The following SDCBP2 variants were observed in gnomAD, a reference collection of about 807,000 sequenced individuals.
SDCBP2 encodes syntenin-2.
Under a neutral mutation model 30.7 loss-of-function variants are expected in SDCBP2, and 28 were observed. The ratio of observed to expected loss-of-function variants is 0.91; its 90% confidence interval spans 0.68 to 1.25. The LOEUF is 1.25. Ranked by LOEUF, SDCBP2 falls within the 50% of genes most tolerant of loss-of-function variation. The probability of loss-of-function intolerance (pLI) is 0.00; values close to 1 mark genes in which losing one functional copy is unlikely to be tolerated. For missense variants in SDCBP2, 399 were observed against 379.0 expected (o/e 1.05, Z -0.44); for synonymous variants, 166 against 157.3 (o/e 1.06, Z -0.41).
At chr20:1,311,131 G>C in intron 7 of SDCBP2, 1 of 464,382 alleles carries the variant, frequency 2.2e-6, no homozygotes, top group Non-Finnish European at 3.8e-6. Flanking sequence ...GGTCAAATGA[G>C]CATGCCTCTT....
chr20:1,311,265 C>G (rs1422281706), intron 7 of SDCBP2, among the ~76,000 whole-genome samples: 3 of 152,176 alleles, frequency 2.0e-5, no homozygotes, highest in Admixed American at 1.3e-4. Context: ...CATTTGGGTT[C>G]TGGCCTCAAA....
At chr20:1,316,775 G>A (rs1051287554) in intron 4 of SDCBP2, among the ~76,000 whole-genome samples, 4 of 152,186 alleles carry the variant, frequency 2.6e-5, no homozygotes, top group Admixed American at 6.5e-5. Flanking sequence ...AAATGAAAAC[G>A]TATGTCTATA....
chr20:1,312,919 G>T, intron 5 of SDCBP2, 157 bp from the exon 6 acceptor site: 1 of 765,746 alleles, frequency 1.3e-6, no homozygotes, highest in Non-Finnish European at 2.0e-6. Flanking sequence ...CATTTACCGG[G>T]GAGGAAACAC....
chr20:1,323,444 C>T (rs552193966), intron 1 of SDCBP2: 1 of 152,198 alleles, frequency 6.6e-6, no homozygotes, highest in African/African-American at 2.4e-5. Context: ...TGTCAGCTGT[C>T]CCCTGGGAGA....
Position 1,312,691 on chromosome 20 carries a change from G to A in SDCBP2, c.456C>T (p.Leu152=), listed in dbSNP as rs776982455. The change falls in exon 6 of 9, where the codon CTC becomes CTT. Residue 152 remains leucine (L), a synonymous_variant. Transcript: ENST00000360779. ...CACAGTCACGCCCGTCAATCTGCAG[G>A]AGCTGGTCCCCAAAGCGCAGCCCCA... ...SLVGLRFGDQ[L]LQIDGRDCAG... The A allele has an allele frequency of 8.7e-6, 14 of 1,614,036 alleles. No homozygotes were observed. Among genetic ancestry groups the A allele is most frequent in the Non-Finnish European group, 8.5e-7 (1 of 1,180,032 alleles).
intron 1 of SDCBP2, among the ~76,000 whole-genome samples, chr20:1,326,933 C>T (rs1437158422): frequency 6.6e-6 from 1 of 152,226 alleles, no homozygotes; most frequent in Non-Finnish European, 1.5e-5. Context: ...CTTCCCATGC[C>T]TGTCTGTGTT....
chr20:1,312,493 A>G lies in SDCBP2; in HGVS notation c.576T>C (p.Thr192=), dbSNP rs368080574. The change falls in exon 7 of 9, where the codon ACT becomes ACC. Residue 192 remains threonine (T), a synonymous_variant. Transcript: ENST00000360779. The part of the protein sequence containing the change: ...VVVRDRPFQR[T]VTMHKDSMGH... The stretch of plus-strand genomic sequence containing the variant: ...CCATGCTGTCCTTGTGCATGGTGAC[A>G]GTCCGCTGGAACGGCCTGGCAGGAG... 2.9e-5 allele frequency: 47 copies of G among 1,614,068 alleles called. No individual in the cohort carries two copies. The highest frequency in any genetic ancestry group is 1.6e-4 in the Middle Eastern group (1 of 6,084).
rs2088833643 is a variant in SDCBP2 at position 1,320,232 on chromosome 20, G to C, written c.54+131C>G. 4.0e-6 allele frequency: 3 copies of C among 753,866 alleles called. No homozygotes were observed. The highest frequency in any genetic ancestry group is 1.7e-5 in the South Asian group (1 of 57,218). The allele number at this position is 753,866 out of a possible 1,614,324, so 46.7% of individuals were successfully genotyped here. A position where few individuals can be genotyped will look rare whatever the true frequency, so the allele number is the denominator to read the frequency against. On this transcript the variant is annotated intron_variant, in intron 2 of 8. Transcript: ENST00000360779. This position sits in a 1 kb window ranked among gnomAD's most constrained non-coding sequence, Gnocchi z 4.7. The stretch of plus-strand genomic sequence containing the variant: ...CCTGGATGTCTTCTCTGCCCAGCAG[G>C]CCCTGCAGTGGACACCTACATGCCC...
rs1285248329 is a variant in SDCBP2, at chr20:1,313,752, C to G, written c.226-254G>C. The G allele has an allele frequency of 1.1e-6, 1 of 930,776 alleles. No individual in the cohort carries two copies. The highest frequency in any genetic ancestry group is 1.4e-6 in the Non-Finnish European group (1 of 703,546). 57.7% of individuals were successfully genotyped at this position (930,776 alleles called of 1,614,324 possible). A position where few individuals can be genotyped will look rare whatever the true frequency, so the allele number is the denominator to read the frequency against. On this transcript the variant is annotated intron_variant, in intron 4 of 8. Coordinates refer to ENST00000360779, the MANE Select transcript of SDCBP2 (RefSeq NM_080489.5). This position sits in a 1 kb window ranked among gnomAD's most constrained non-coding sequence, Gnocchi z 5.2. ...AGGGGCGAGGATACAGGAAGAGGCCCTTCATTTCCCAAGGGAAACTGGCAT... is the reference window on the plus strand; with the variant it reads ...AGGGGCGAGGATACAGGAAGAGGCCGTTCATTTCCCAAGGGAAACTGGCAT...
In SDCBP2 at chr20:1,320,219, C is replaced by G; in HGVS notation, c.54+144G>C. ...ATTGGCATTGCCCCCTGGATGTCTT[C>G]TCTGCCCAGCAGGCCCTGCAGTGGA... On this transcript the variant is annotated intron_variant, in intron 2 of 8. Transcript: ENST00000360779. The surrounding 1 kb of genome is among the most constrained non-coding windows in gnomAD (Gnocchi z 4.7). 1.4e-6 allele frequency: 1 copy of G among 709,962 alleles called. No individual in the cohort carries two copies. Among genetic ancestry groups the G allele is most frequent in the Non-Finnish European group, 2.4e-6 (1 of 412,660 alleles). 44.0% of individuals were successfully genotyped at this position (709,962 alleles called of 1,614,324 possible).
chr20:1,328,159 G>T (rs544792139), intron 1 of SDCBP2, among the ~76,000 whole-genome samples: 1 of 152,316 alleles, frequency 6.6e-6, no homozygotes, highest in East Asian at 1.9e-4. Flanking sequence ...GAAGCCAGTT[G>T]TGCAGAGAGG....
rs2088642429 is a variant in SDCBP2 at position 1,310,402 on chromosome 20, G to A, written c.*39C>T. 6.2e-7 allele frequency: 1 copy of A among 1,605,662 alleles called. No homozygotes were observed. The highest frequency in any genetic ancestry group is 8.5e-7 in the Non-Finnish European group (1 of 1,174,250). On this transcript the variant is annotated 3_prime_UTR_variant, in exon 9 of 9. Transcript: ENST00000360779. Reference sequence around the variant, plus strand: ...GGTGGTTGCCCTTTGCTGCAGGAGGGCGGGAAGCCCCCCCTGCCTGCCCTG... The same window carrying A: ...GGTGGTTGCCCTTTGCTGCAGGAGGACGGGAAGCCCCCCCTGCCTGCCCTG...
At chr20:1,317,405 G>A (rs553996287) in intron 4 of SDCBP2, among the ~76,000 whole-genome samples, 1 of 152,320 alleles carries the variant, frequency 6.6e-6, no homozygotes, top group South Asian at 2.1e-4. Context: ...TTATAAAAAT[G>A]TATTCATCAT....
intron 2 of SDCBP2, among the ~76,000 whole-genome samples, chr20:1,319,934 A>T (rs185131885): frequency 4.6e-4 from 70 of 152,302 alleles, no homozygotes; most frequent in East Asian, 4.4e-3. Context: ...CCATCTCCCA[A>T]TCAAGTTCTC....
At chr20:1,325,517 A>G (rs2088910893) in intron 1 of SDCBP2, 2 of 152,204 alleles carry the variant, frequency 1.3e-5, no homozygotes, top group South Asian at 4.1e-4. Flanking sequence ...CGGCATCCAC[A>G]AAAATAGATC....
chr20:1,321,290 G>C lies in SDCBP2; in HGVS notation c.-19-855C>G, dbSNP rs1488700970. 6.6e-6 allele frequency: 1 copy of C among 152,256 alleles called. No individual in the cohort carries two copies. Among genetic ancestry groups the C allele is most frequent in the Non-Finnish European group, 1.5e-5 (1 of 68,116 alleles). 9.4% of individuals were successfully genotyped at this position (152,256 alleles called of 1,614,324 possible). On this transcript the variant is annotated intron_variant, in intron 1 of 8. Transcript: ENST00000360779. This position sits in a 1 kb window ranked among gnomAD's most constrained non-coding sequence, Gnocchi z 5.2. ...GGTGGCACAGGAAACTGAGGGTCCT[G>C]TGCCTGAGCGATGTGACTCCAGGCT...
chr20:1,310,747 G>A (rs2088651415), intron 8 of SDCBP2, 53 bp downstream of exon 8: 1 of 1,492,510 alleles, frequency 6.7e-7, no homozygotes, highest in Admixed American at 1.7e-5. Flanking sequence ...GCCGGGAGGT[G>A]AAGGGGATGG....
chr20:1,310,648 G>A (rs1568557254), intron 8 of SDCBP2, 152 bp downstream of exon 8: 1 of 976,518 alleles, frequency 1.0e-6, no homozygotes, highest in South Asian at 1.6e-5. Flanking sequence ...TACCTTGGAG[G>A]GAGGGGAAGG....
Position 1,313,058 on chromosome 20 carries a change from G to C in SDCBP2, c.384+282C>G. ...CCTGGCGTCGGCTGTCTACACCGTC[G>C]CCTGGAAGCTAGATGCCCTGGGCAG... On this transcript the variant is annotated intron_variant, in intron 5 of 8. Coordinates refer to ENST00000360779, the MANE Select transcript of SDCBP2 (RefSeq NM_080489.5). This position sits in a 1 kb window ranked among gnomAD's most constrained non-coding sequence, Gnocchi z 5.2. 1.7e-6 allele frequency: 1 copy of C among 586,960 alleles called. No homozygotes were observed. The highest frequency in any genetic ancestry group is 3.0e-6 in the Non-Finnish European group (1 of 330,328). The allele number at this position is 586,960 out of a possible 1,614,324, so 36.4% of individuals were successfully genotyped here.
Sources: gnomAD v4.1 joint callset for allele counts (sites outside exome capture counted in the v4.1 genomes callset) on GRCh38, gnomAD v4.1.1 for gene constraint, Gnocchi (gnomAD v3.1) non-coding constraint, MANE v1.5 for transcripts, NCBI Gene and HGNC (gene_info 2026-07-23, HGNC 2026-07-21) for gene names.